MACROD2: variants seen among roughly 807,000 people sequenced by gnomAD.
MACROD2 encodes ADP-ribose glycohydrolase MACROD2.
MACROD2 carries 36 observed loss-of-function variants against 70.4 expected under a neutral mutation model. The ratio of observed to expected loss-of-function variants is 0.51; its 90% CI spans 0.39 to 0.68. The LOEUF is 0.68. Among genes scored for constraint, MACROD2 ranks in the 30% least tolerant of loss-of-function variants. The pLI is 0.00. For missense variants in MACROD2, 496 were observed against 538.4 expected (o/e 0.92, Z 0.78); for synonymous variants, 172 against 178.8 (o/e 0.96, Z 0.30).
intron 8 of MACROD2, among the ~76,000 whole-genome samples, chr20:15,540,617 G>C (rs1412644717): frequency 6.6e-6 from 1 of 152,162 alleles, no homozygotes; most frequent in African/African-American, 2.4e-5. Context: ...GTTTGCTAAG[G>C]CTTCTGTAAC....
At position 14,976,800 on chromosome 20, in the gene MACROD2, A is replaced by C. The variant is rs550659780; in HGVS notation, c.419-253140A>C. Among the ~76,000 whole-genome samples, 11 of 152,188 alleles carry C rather than the reference A, an allele frequency of 7.2e-5. No individual in the cohort carries two copies. The East Asian group carries it at 2.1e-3, about 29-fold the overall frequency. On this transcript the variant is annotated intron_variant, in intron 5 of 17. Transcript: ENST00000684519. ...TGTGGTCCCATTTCCTCGTGTGTAA[A>C]ATGGGGATAGTAGCATTCACCTGTG...
At chr20:14,288,404 G>A (rs1398297823) in intron 3 of MACROD2, among the ~76,000 whole-genome samples, 1 of 152,114 alleles carries the variant, frequency 6.6e-6, no homozygotes, top group Non-Finnish European at 1.5e-5. Flanking sequence ...CTTCTTTCAG[G>A]TGAGAGAAAA....
chr20:15,714,784 CT>C (rs1293269134), intron 8 of MACROD2, among the ~76,000 whole-genome samples: 1 of 151,912 alleles, frequency 6.6e-6, no homozygotes, highest in Non-Finnish European at 1.5e-5. Flanking sequence ...GTGCCATATA[CT>C]TTTTTATTCC....
intron 6 of MACROD2, among the ~76,000 whole-genome samples, chr20:15,254,791 G>C (rs1309577952): frequency 6.6e-6 from 1 of 151,974 alleles, no homozygotes; most frequent in East Asian, 1.9e-4. Context: ...TGACTTCCTT[G>C]GTCATAATCC....
intron 8 of MACROD2, among the ~76,000 whole-genome samples, chr20:15,848,148 G>A (rs111720375): frequency 0.037 from 5,702 of 152,260 alleles, 157 homozygotes; most frequent in Middle Eastern, 0.085. Context: ...AGCTGAAGGA[G>A]AAATTCTTTT....
In MACROD2 at chr20:14,284,841, A is replaced by G. The variant is rs114660600; in HGVS notation, c.271+199113A>G. 7.5e-3 allele frequency among the ~76,000 whole-genome samples: 1,148 copies of G among 152,324 alleles called. 10 individuals are homozygous for G. Among genetic ancestry groups the G allele is most frequent in the African/African-American group, 0.026 (1,065 of 41,550 alleles). On this transcript the variant is annotated intron_variant, in intron 3 of 17. Transcript: ENST00000684519. ...GTTTATTTTGGAGAGTTCACACTTC[A>G]CTGGGAAAGTTTTAAGTTTTCTTGT...
intron 4 of MACROD2, among the ~76,000 whole-genome samples, chr20:14,497,958 C>T (rs2084872994): frequency 6.6e-6 from 1 of 151,630 alleles, no homozygotes; most frequent in South Asian, 2.1e-4. Flanking sequence ...GTGAGCCTTC[C>T]CACCTCTGAT....
intron 6 of MACROD2, among the ~76,000 whole-genome samples, chr20:15,262,271 C>T (rs1216868838): frequency 6.6e-6 from 1 of 151,976 alleles, no homozygotes; most frequent in African/African-American, 2.4e-5. Context: ...TAATTTTTAG[C>T]TCCCACAAAT....
At chr20:14,113,823 G>T (rs1475509135) in intron 3 of MACROD2, among the ~76,000 whole-genome samples, 1 of 152,170 alleles carries the variant, frequency 6.6e-6, no homozygotes, top group Non-Finnish European at 1.5e-5. Context: ...GATTCCCTTT[G>T]TGTTTATCCA....
intron 8 of MACROD2, among the ~76,000 whole-genome samples, chr20:15,750,731 A>T (rs910796700): frequency 7.2e-5 from 11 of 152,048 alleles, no homozygotes; most frequent in African/African-American, 2.7e-4. Flanking sequence ...CTAAAAATGG[A>T]TGAATGGATA....
intron 5 of MACROD2, among the ~76,000 whole-genome samples, chr20:14,854,181 A>G (rs865790827): frequency 4.6e-5 from 7 of 152,294 alleles, no homozygotes; most frequent in Middle Eastern, 6.8e-3. Context: ...TAGCACATCC[A>G]TCTTCACCAG....
At chr20:14,399,270 C>G (rs1211329523) in intron 3 of MACROD2, among the ~76,000 whole-genome samples, 2 of 152,120 alleles carry the variant, frequency 1.3e-5, no homozygotes, top group African/African-American at 4.8e-5. Flanking sequence ...ATCCATTTGC[C>G]TCGGCTTCCC....
At chr20:14,382,363 A>G (rs925129378) in intron 3 of MACROD2, among the ~76,000 whole-genome samples, 1 of 151,206 alleles carries the variant, frequency 6.6e-6, no homozygotes, top group African/African-American at 2.4e-5. Context: ...ACCATACAGG[A>G]TTGATTTTTG....
chr20:15,954,164 C>T (rs566732831), intron 12 of MACROD2, among the ~76,000 whole-genome samples: 2 of 152,214 alleles, frequency 1.3e-5, no homozygotes, highest in East Asian at 3.9e-4. Flanking sequence ...ATCACCATTA[C>T]CAGACAAAGC....
intron 7 of MACROD2, among the ~76,000 whole-genome samples, chr20:15,473,983 G>A (rs1486290880): frequency 6.6e-6 from 1 of 152,186 alleles, no homozygotes; most frequent in Admixed American, 6.5e-5. Flanking sequence ...TTTGAATCCT[G>A]GCTCAAGCCC....
chr20:14,355,724 G>A (rs1298437955), intron 3 of MACROD2, among the ~76,000 whole-genome samples: 1 of 152,156 alleles, frequency 6.6e-6, no homozygotes, highest in African/African-American at 2.4e-5. Context: ...TTATCTCTGA[G>A]TATTGTTATG....
chr20:15,811,002 A>G (rs2063815220), intron 8 of MACROD2, among the ~76,000 whole-genome samples: 1 of 149,938 alleles, frequency 6.7e-6, no homozygotes, highest in African/African-American at 2.5e-5. Flanking sequence ...AAACCTAGGC[A>G]TTACCATTCA....
At chr20:15,258,961 A>T (rs1307079845) in intron 6 of MACROD2, among the ~76,000 whole-genome samples, 3 of 152,024 alleles carry the variant, frequency 2.0e-5, no homozygotes, top group African/African-American at 7.2e-5. Flanking sequence ...TAACTTTTGG[A>T]ATTATCATTT....
intron 8 of MACROD2, among the ~76,000 whole-genome samples, chr20:15,844,164 C>T (rs932223075): frequency 2.6e-5 from 4 of 152,002 alleles, no homozygotes; most frequent in African/African-American, 9.7e-5. Flanking sequence ...AAGGGACTGA[C>T]AGAATCACTC....
Sources: allele counts gnomAD v4.1 joint callset (sites outside exome capture counted in the v4.1 genomes callset), GRCh38; gene constraint gnomAD v4.1.1; transcripts MANE v1.5; gene names NCBI Gene and HGNC (gene_info 2026-07-23, HGNC 2026-07-21).